CAPN8: variants seen among roughly 807,000 people sequenced by gnomAD.
The protein encoded by CAPN8 is calpain-8.
Under a neutral mutation model 80.9 loss-of-function variants are expected in CAPN8, and 87 were observed. That is an observed-to-expected ratio of 1.07 (90% CI 0.90 to 1.28). CAPN8 has a LOEUF of 1.28. Ranked by LOEUF, CAPN8 falls within the 50% of genes most tolerant of loss-of-function variation. The pLI, the probability that CAPN8 is intolerant of heterozygous loss-of-function variation, is 0.00. For synonymous variants in CAPN8, 299 were observed against 273.8 expected, an observed-to-expected ratio of 1.09 and a Z score of -0.91; for missense variants, 757 against 702.0, an observed-to-expected ratio of 1.08 and a Z score of -0.89.
At chr1:223,544,738 A>C (rs1558334420) in intron 18 of CAPN8, 34 bp downstream of exon 18, 1 of 1,551,054 alleles carries the variant, frequency 6.4e-7, no homozygotes, top group East Asian at 2.4e-5. Flanking sequence ...GCACACCTGG[A>C]TCCCAAGACC....
In CAPN8 at chr1:223,665,471, C is replaced by G; in HGVS notation, c.176G>C (p.Gly59Ala). ...PEFPACPSALGYKDLGPGSPQ... is the reference protein window; with the variant it reads ...PEFPACPSALAYKDLGPGSPQ... ...AGAGCCTGGTCCAAGATCCTTGTAG[C>G]CCAAAGCTGATGGACATGCTGGGAA... Residue 59 changes from glycine to alanine, a missense_variant, in exon 1 of 21, where the codon GGC becomes GCC. Coordinates refer to ENST00000366872, the MANE Select transcript of CAPN8 (RefSeq NM_001143962.2). The G allele has an allele frequency of 6.4e-7, 1 of 1,552,046 alleles. No homozygotes were observed. Among genetic ancestry groups the G allele is most frequent in the Non-Finnish European group, 8.7e-7 (1 of 1,147,060 alleles).
At chr1:223,659,493 G>A (rs965699187) in intron 1 of CAPN8, among the ~76,000 whole-genome samples, 5 of 152,104 alleles carry the variant, frequency 3.3e-5, no homozygotes, top group South Asian at 2.1e-4. Flanking sequence ...ACTTGCTCCC[G>A]ATGCACTGCC....
intron 2 of CAPN8, among the ~76,000 whole-genome samples, chr1:223,641,936 C>T (rs1178335541): frequency 1.3e-5 from 2 of 152,200 alleles, no homozygotes. Context: ...TCCCTCACTC[C>T]TGTAAGCATC....
chr1:223,629,384 C>A (rs1290736901), intron 2 of CAPN8, among the ~76,000 whole-genome samples: 1 of 152,128 alleles, frequency 6.6e-6, no homozygotes, highest in Non-Finnish European at 1.5e-5. Flanking sequence ...AGCATTAAAT[C>A]ATCATAATTT....
intron 2 of CAPN8, among the ~76,000 whole-genome samples, chr1:223,644,954 A>G (rs1309410370): frequency 6.6e-6 from 1 of 152,204 alleles, no homozygotes; most frequent in Non-Finnish European, 1.5e-5. Flanking sequence ...GAGTTTATTA[A>G]GGAGTATTGA....
At chr1:223,615,302 A>G (rs1160168244) in intron 10 of CAPN8, among the ~76,000 whole-genome samples, 1 of 152,226 alleles carries the variant, frequency 6.6e-6, no homozygotes, top group Non-Finnish European at 1.5e-5. Context: ...TGTATAAAAA[A>G]GTGGATTCCA....
At chr1:223,620,925 T>C (rs895781401) in intron 7 of CAPN8, among the ~76,000 whole-genome samples, 7 of 151,496 alleles carry the variant, frequency 4.6e-5, no homozygotes, top group African/African-American at 1.7e-4. Flanking sequence ...CTGAAATATG[T>C]ATGTGACATC....
intron 2 of CAPN8, among the ~76,000 whole-genome samples, chr1:223,646,222 C>G (rs1034153545): frequency 6.6e-6 from 1 of 152,250 alleles, no homozygotes; most frequent in African/African-American, 2.4e-5. Context: ...TTCCATTCCT[C>G]AGGTTCATGG....
intron 11 of CAPN8, among the ~76,000 whole-genome samples, chr1:223,610,697 G>C (rs1382545999): frequency 1.3e-5 from 2 of 152,134 alleles, no homozygotes; most frequent in African/African-American, 4.8e-5. Context: ...GGACACTGAG[G>C]CAAGATCTAG....
intron 8 of CAPN8, among the ~76,000 whole-genome samples, 162 bp downstream of exon 8, chr1:223,620,030 G>T (rs1343070045): frequency 2.0e-5 from 3 of 152,168 alleles, no homozygotes; most frequent in Non-Finnish European, 4.4e-5. Context: ...AGACGTGCTG[G>T]TATAGAGGTG....
intron 2 of CAPN8, among the ~76,000 whole-genome samples, chr1:223,629,480 A>G (rs1657712927): frequency 6.6e-6 from 1 of 152,194 alleles, no homozygotes; most frequent in South Asian, 2.1e-4. Flanking sequence ...AATGCAGAAG[A>G]AAACAGAAAA....
At chr1:223,625,386 A>G (rs761447170) in intron 6 of CAPN8, among the ~76,000 whole-genome samples, 2 of 152,238 alleles carry the variant, frequency 1.3e-5, no homozygotes. Flanking sequence ...AAAAGCTCAG[A>G]GAGGTTACGT....
chr1:223,629,232 T>TGTGTGTGTATG (rs68132305), intron 2 of CAPN8, among the ~76,000 whole-genome samples: 2,594 of 132,594 alleles, frequency 0.02, 33 homozygotes, highest in South Asian at 0.025. Context: ...GTGTGTGTGT[T>TGTGTGTGTATG]TATGTTCCTT....
intron 13 of CAPN8, 115 bp downstream of exon 13, chr1:223,558,016 T>G (rs1656945266): frequency 5.0e-6 from 2 of 396,248 alleles, no homozygotes; most frequent in Non-Finnish European, 8.9e-6. Context: ...GTTGTGGCCC[T>G]AACTAATAAG....
At chr1:223,647,825 GA>G (rs962593108) in intron 2 of CAPN8, among the ~76,000 whole-genome samples, 5 of 152,174 alleles carry the variant, frequency 3.3e-5, no homozygotes, top group African/African-American at 1.2e-4. Flanking sequence ...TTAATGTCAT[GA>G]ACAAAAGATT....
At chr1:223,554,992 T>C (rs925423139) in intron 13 of CAPN8, among the ~76,000 whole-genome samples, 11 of 152,256 alleles carry the variant, frequency 7.2e-5, no homozygotes, top group Non-Finnish European at 1.6e-4. Context: ...ACGAAATTTC[T>C]AGAAAGCCGG....
intron 2 of CAPN8, among the ~76,000 whole-genome samples, chr1:223,631,473 C>T (rs1057008401): frequency 6.6e-6 from 1 of 152,086 alleles, no homozygotes; most frequent in Non-Finnish European, 1.5e-5. Flanking sequence ...CACTTGATTA[C>T]ATCTGTTTTT....
chr1:223,646,718 C>A (rs1658204769), intron 2 of CAPN8, among the ~76,000 whole-genome samples: 1 of 152,138 alleles, frequency 6.6e-6, no homozygotes, highest in African/African-American at 2.4e-5. Flanking sequence ...GCTGAAGAAG[C>A]CCAAGACTCA....
At chr1:223,647,366 A>T (rs180986402) in intron 2 of CAPN8, among the ~76,000 whole-genome samples, 1 of 152,242 alleles carries the variant, frequency 6.6e-6, no homozygotes, top group African/African-American at 2.4e-5. Context: ...GCTTTATCCT[A>T]TGTAAAATGC....
Sources: allele counts gnomAD v4.1 joint callset (sites outside exome capture counted in the v4.1 genomes callset), GRCh38; gene constraint gnomAD v4.1.1; transcripts MANE v1.5; gene names NCBI Gene and HGNC (gene_info 2026-07-23, HGNC 2026-07-21).